The following SLC44A5 variants were observed in gnomAD, a reference collection of about 807,000 sequenced individuals.
SLC44A5 encodes solute carrier family 44 member 5.
A neutral mutation model predicts 101.8 loss-of-function variants in SLC44A5; 57 were observed. The ratio of observed to expected loss-of-function variants is 0.56; its 90% CI spans 0.45 to 0.70. The LOEUF (loss-of-function observed/expected upper bound fraction) is 0.70, where lower values mean the gene tolerates loss of function less well. Ranked by LOEUF, SLC44A5 falls within the 30% of genes least tolerant of loss-of-function variation. SLC44A5 has a pLI of 0.00. For synonymous variants in SLC44A5, 281 were observed against 290.9 expected (o/e 0.97, Z 0.35); for missense variants, 737 against 853.1 (o/e 0.86, Z 1.70).
chr1:75,720,741 G>A, the SLC44A5 span, among the ~76,000 whole-genome samples: 2 of 152,092 alleles, frequency 1.3e-5, no homozygotes, highest in Admixed American at 6.5e-5. Flanking sequence ...TGCTCAGGGT[G>A]GTTGGGGTGC....
chr1:75,611,176 A>G (rs1281519436), upstream of SLC44A5: 1 of 810,872 alleles, frequency 1.2e-6, no homozygotes, highest in Non-Finnish European at 1.5e-6. Flanking sequence ...GCCATACCCC[A>G]TTCTTAGGTA....
intron 1 of SLC44A5, among the ~76,000 whole-genome samples, chr1:75,550,481 A>G (rs540386474): frequency 6.6e-6 from 1 of 152,180 alleles, no homozygotes; most frequent in East Asian, 1.9e-4. Flanking sequence ...ATGCTTGCAA[A>G]ACATTGTGAA....
intron 2 of SLC44A5, among the ~76,000 whole-genome samples, chr1:75,457,384 C>A (rs771286797): frequency 6.6e-6 from 1 of 152,156 alleles, no homozygotes; most frequent in East Asian, 1.9e-4. Context: ...ATCCTAACAT[C>A]ATGGGAAAGA....
chr1:75,584,421 A>C (rs936215439), intron 1 of SLC44A5, among the ~76,000 whole-genome samples: 1 of 152,242 alleles, frequency 6.6e-6, no homozygotes, highest in Non-Finnish European at 1.5e-5. Context: ...ATTCTGAATT[A>C]ACAATGAATT....
intron 3 of SLC44A5, among the ~76,000 whole-genome samples, chr1:75,340,726 C>A (rs1657813538): frequency 6.6e-6 from 1 of 152,146 alleles, no homozygotes; most frequent in Admixed American, 6.6e-5. Flanking sequence ...GATATTGGAT[C>A]CAAGCTGGGC....
chr1:75,723,250 C>T, the SLC44A5 span, among the ~76,000 whole-genome samples: 2 of 152,184 alleles, frequency 1.3e-5, no homozygotes, highest in African/African-American at 4.8e-5. Flanking sequence ...AACCTTTCTG[C>T]AGAAAGTAAA....
chr1:75,612,247 TC>T (rs1341672028), upstream of SLC44A5, among the ~76,000 whole-genome samples: 1 of 152,144 alleles, frequency 6.6e-6, no homozygotes, highest in Non-Finnish European at 1.5e-5. Flanking sequence ...GAAATAATCT[TC>T]CAGGAGAGGA....
the SLC44A5 span, among the ~76,000 whole-genome samples, chr1:75,716,616 C>T: frequency 6.6e-6 from 1 of 152,178 alleles, no homozygotes; most frequent in Admixed American, 6.5e-5. Flanking sequence ...TGGGCATACA[C>T]CCAAAGGAAT....
intron 7 of SLC44A5, 60 bp from the exon 8 acceptor site, chr1:75,243,071 T>C: frequency 1.3e-6 from 2 of 1,520,596 alleles, no homozygotes; most frequent in African/African-American, 1.4e-5. Flanking sequence ...GAACTACCTA[T>C]AAAGCTAGAC....
intron 3 of SLC44A5, among the ~76,000 whole-genome samples, chr1:75,386,610 A>T (rs1408038819): frequency 6.6e-6 from 1 of 152,240 alleles, no homozygotes; most frequent in Admixed American, 6.5e-5. Context: ...GGAAAAGTCA[A>T]TATCGTGAAA....
the SLC44A5 span, among the ~76,000 whole-genome samples, chr1:75,622,789 C>A: frequency 6.6e-6 from 1 of 152,102 alleles, no homozygotes. Context: ...ATTACTCCTG[C>A]CAGCTTCCAA....
chr1:75,637,909 T>C, the SLC44A5 span, among the ~76,000 whole-genome samples: 1 of 152,014 alleles, frequency 6.6e-6, no homozygotes, highest in Non-Finnish European at 1.5e-5. Context: ...GATATTAAAA[T>C]AGTGCTTGAA....
chr1:75,476,253 C>A (rs1435847355), intron 2 of SLC44A5, among the ~76,000 whole-genome samples: 1 of 151,968 alleles, frequency 6.6e-6, no homozygotes, highest in Non-Finnish European at 1.5e-5. Flanking sequence ...AGAATTCTAC[C>A]TACTAACTGG....
chr1:75,229,302 C>G (rs1365304127), intron 12 of SLC44A5, among the ~76,000 whole-genome samples: 1 of 152,042 alleles, frequency 6.6e-6, no homozygotes, highest in East Asian at 1.9e-4. Context: ...TCTTTGCTAC[C>G]CAAAGCCCTA....
chr1:75,676,367 C>A, the SLC44A5 span, among the ~76,000 whole-genome samples: 3 of 152,124 alleles, frequency 2.0e-5, no homozygotes, highest in Non-Finnish European at 4.4e-5. Context: ...TATGCAGATG[C>A]AGCCATAAAA....
At chr1:75,532,199 C>A (rs975403393) in intron 2 of SLC44A5, among the ~76,000 whole-genome samples, 8 of 152,154 alleles carry the variant, frequency 5.3e-5, no homozygotes, top group Non-Finnish European at 1.2e-4. Flanking sequence ...ATTTTGACTG[C>A]TGATACCTCT....
chr1:75,699,050 G>A, the SLC44A5 span, among the ~76,000 whole-genome samples: 6 of 152,306 alleles, frequency 3.9e-5, no homozygotes, highest in East Asian at 9.6e-4. Flanking sequence ...AAGTGACGGG[G>A]AGAATGGAAC....
intron 6 of SLC44A5, among the ~76,000 whole-genome samples, chr1:75,254,983 C>T (rs1649897142): frequency 6.6e-6 from 1 of 152,072 alleles, no homozygotes; most frequent in Non-Finnish European, 1.5e-5. Context: ...CATGCTGGGC[C>T]ACGTGGAGCC....
chr1:75,205,825 G>T (rs1379993378), intron 23 of SLC44A5: 1 of 152,068 alleles, frequency 6.6e-6, no homozygotes, highest in Non-Finnish European at 1.5e-5. Context: ...TATATAGTGG[G>T]AATAAGAAAT....
Sources: gnomAD v4.1 joint callset for allele counts (sites outside exome capture counted in the v4.1 genomes callset) on GRCh38, gnomAD v4.1.1 for gene constraint, MANE v1.5 for transcripts, NCBI Gene and HGNC (gene_info 2026-07-23, HGNC 2026-07-21) for gene names.